ZNF727: variants seen among roughly 807,000 people sequenced by gnomAD.
ZNF727 encodes the protein zinc finger protein 727, also known as putative zinc finger protein 727.
A neutral mutation model predicts 11.5 loss-of-function variants in ZNF727; 11 were observed. The observed-to-expected ratio is 0.95, with a 90% CI of 0.60 to 1.58. The LOEUF is 1.58. Among genes scored for constraint, ZNF727 ranks in the 40% most tolerant of loss-of-function variants. The pLI is 0.00. For synonymous variants in ZNF727, 171 were observed against 196.1 expected, an observed-to-expected ratio of 0.87 and a Z score of 1.07; for missense variants, 533 against 581.7, an observed-to-expected ratio of 0.92 and a Z score of 0.86.
At chr7:64,049,383 C>T (rs780395165) in intron 1 of ZNF727, among the ~76,000 whole-genome samples, 1 of 151,602 alleles carries the variant, frequency 6.6e-6, no homozygotes, top group South Asian at 2.1e-4. Context: ...TAAGAAAAAC[C>T]ACATCCTCTT....
rs1785802277 is a variant in ZNF727 at position 64,082,076 on chromosome 7, C to T, written c.*3527C>T. Among the ~76,000 whole-genome samples, 1 of 152,082 alleles carries T rather than the reference C, an allele frequency of 6.6e-6. No homozygotes were observed. The highest frequency in any genetic ancestry group is 2.4e-5 in the African/African-American group (1 of 41,412). On this transcript the variant is annotated 3_prime_UTR_variant, in exon 4 of 4. Coordinates refer to ENST00000456806, the MANE Select transcript of ZNF727 (RefSeq NM_001159522.3). ...TGGCCCTCTCTCCTTGGGTAAACTA[C>T]AGCTCGTTTGAGGTGTGAATAAGGC... is the stretch of plus-strand genomic sequence containing the variant.
chr7:64,078,823 A>G lies in ZNF727; in HGVS notation c.*274A>G, dbSNP rs1325645445. On this transcript the variant is annotated 3_prime_UTR_variant, in exon 4 of 4. Transcript: ENST00000456806. ...TTCACCCTGGAGAGAATCCCTACAA[A>G]TCTGAAGAATGTAACAAAGGCTATA... Among the ~76,000 whole-genome samples, 1 of 152,154 alleles carries G rather than the reference A, an allele frequency of 6.6e-6. No individual in the cohort carries two copies. Among genetic ancestry groups the G allele is most frequent in the Non-Finnish European group, 1.5e-5 (1 of 68,006 alleles).
At chr7:64,047,197 A>G (rs961103312) in intron 1 of ZNF727, among the ~76,000 whole-genome samples, 1 of 152,196 alleles carries the variant, frequency 6.6e-6, no homozygotes, top group Non-Finnish European at 1.5e-5. Context: ...TAACTGTTAT[A>G]GGGACTGTAG....
intron 3 of ZNF727, among the ~76,000 whole-genome samples, chr7:64,076,478 G>A (rs1471345406): frequency 2.6e-5 from 4 of 151,962 alleles, no homozygotes; most frequent in South Asian, 2.1e-4. Context: ...GGTGAGGCAC[G>A]CCTATAATCT....
At chr7:64,053,529 C>T (rs574646421) in intron 1 of ZNF727, among the ~76,000 whole-genome samples, 4 of 152,158 alleles carry the variant, frequency 2.6e-5, no homozygotes, top group East Asian at 1.9e-4. Flanking sequence ...CCATGTTGGT[C>T]AGGCTGGTCT....
intron 1 of ZNF727, among the ~76,000 whole-genome samples, chr7:64,064,215 C>A (rs1789827109): frequency 2.0e-5 from 3 of 152,118 alleles, no homozygotes; most frequent in Non-Finnish European, 2.9e-5. Flanking sequence ...ACATGGCTGC[C>A]ACAGCTTGGA....
At chr7:64,062,521 A>G (rs1408788681) in intron 1 of ZNF727, among the ~76,000 whole-genome samples, 2 of 151,664 alleles carry the variant, frequency 1.3e-5, no homozygotes, top group Admixed American at 6.6e-5. Context: ...TCCACTGAAG[A>G]GTCCATGGTC....
In ZNF727 at chr7:64,063,270, A is replaced by G. The variant is rs754513177; in HGVS notation, c.4-5621A>G. ...CTGTCCTTCTTAGAAAGGCTTTCCA[A>G]GTATTCAAAGGGAATCGAGTGTTGT... On this transcript the variant is annotated intron_variant, in intron 1 of 3. Transcript: ENST00000456806. Among the ~76,000 whole-genome samples, 77 of 152,248 alleles carry G rather than the reference A, an allele frequency of 5.1e-4. 1 individual carries two copies. Among genetic ancestry groups the G allele is most frequent in the South Asian group, 3.1e-3 (15 of 4,826 alleles).
chr7:64,074,794 G>A (rs539203378), intron 3 of ZNF727, among the ~76,000 whole-genome samples: 1 of 152,206 alleles, frequency 6.6e-6, no homozygotes, highest in East Asian at 1.9e-4. Context: ...TAGTTGATTT[G>A]ATCTACTCAG....
At position 64,081,589 on chromosome 7, in the gene ZNF727, G is replaced by T. The variant is rs1352809983; in HGVS notation, c.*3040G>T. On this transcript the variant is annotated 3_prime_UTR_variant, in exon 4 of 4. Coordinates refer to ENST00000456806, the MANE Select transcript of ZNF727 (RefSeq NM_001159522.3). Reference sequence around the variant, plus strand: ...CTTGCCGGAGCTCTTCATGGGTCAGGCATGGCCCACCAGTGCAGATGCTAT... The same window carrying T: ...CTTGCCGGAGCTCTTCATGGGTCAGTCATGGCCCACCAGTGCAGATGCTAT... 1.3e-5 allele frequency among the ~76,000 whole-genome samples: 2 copies of T among 152,118 alleles called. No homozygotes were observed. Among genetic ancestry groups the T allele is most frequent in the African/African-American group, 4.8e-5 (2 of 41,410 alleles).
At chr7:64,048,624 C>A (rs1195601845) in intron 1 of ZNF727, among the ~76,000 whole-genome samples, 1 of 152,146 alleles carries the variant, frequency 6.6e-6, no homozygotes, top group Non-Finnish European at 1.5e-5. Context: ...ACATACATAT[C>A]TTTGCTCAGG....
At chr7:64,050,843 T>G (rs1326324660) in intron 1 of ZNF727, among the ~76,000 whole-genome samples, 1 of 151,958 alleles carries the variant, frequency 6.6e-6, no homozygotes, top group Non-Finnish European at 1.5e-5. Flanking sequence ...GATTGTCAAT[T>G]TTAAATAAAT....
rs1785827247 is a variant in ZNF727 at position 64,083,594 on chromosome 7, GCT to G, written c.*5048_*5049del. Among the ~76,000 whole-genome samples the G allele has an allele frequency of 6.6e-6, 1 of 152,194 alleles. No individual in the cohort carries two copies. The highest frequency in any genetic ancestry group is 2.4e-5 in the African/African-American group (1 of 41,432). The stretch of plus-strand genomic sequence containing the variant: ...GGCTGCTCTGCTGAGACTCCACATA[GCT>G]CTGTGTGTTAAATTGAAGGCCTTGG... On this transcript the variant is annotated 3_prime_UTR_variant, in exon 4 of 4. Transcript: ENST00000456806.
At chr7:64,048,610 C>T (rs1370103386) in intron 1 of ZNF727, among the ~76,000 whole-genome samples, 3 of 152,178 alleles carry the variant, frequency 2.0e-5, no homozygotes, top group Non-Finnish European at 4.4e-5. Flanking sequence ...GTATTTGCCA[C>T]TATACATACA....
intron 1 of ZNF727, among the ~76,000 whole-genome samples, chr7:64,059,288 G>T (rs1789734779): frequency 1.3e-5 from 2 of 152,088 alleles, no homozygotes; most frequent in African/African-American, 2.4e-5. Flanking sequence ...ACACTCTTAG[G>T]TTGAAAAGGA....
intron 1 of ZNF727, among the ~76,000 whole-genome samples, chr7:64,049,246 T>G (rs1337435623): frequency 6.6e-6 from 1 of 152,094 alleles, no homozygotes; most frequent in African/African-American, 2.4e-5. Flanking sequence ...TATAACCCCT[T>G]AAAATTTTCT....
At chr7:64,058,304 G>A (rs187683379) in intron 1 of ZNF727, among the ~76,000 whole-genome samples, 4 of 151,952 alleles carry the variant, frequency 2.6e-5, no homozygotes, top group Non-Finnish European at 4.4e-5. Context: ...AGTGAGTTAT[G>A]AGGTCAGACT....
chr7:64,053,909 C>T (rs1789642266), intron 1 of ZNF727, among the ~76,000 whole-genome samples: 1 of 152,154 alleles, frequency 6.6e-6, no homozygotes, highest in Admixed American at 6.5e-5. Flanking sequence ...GAGGTTAACT[C>T]ACATTAATCA....
intron 1 of ZNF727, among the ~76,000 whole-genome samples, chr7:64,065,552 A>G (rs1789849913): frequency 6.6e-6 from 1 of 152,180 alleles, no homozygotes; most frequent in Non-Finnish European, 1.5e-5. Flanking sequence ...AACAGGTTTA[A>G]TTTGTGCAGA....
Sources: gnomAD v4.1 joint callset for allele counts (sites outside exome capture counted in the v4.1 genomes callset) on GRCh38, gnomAD v4.1.1 for gene constraint, MANE v1.5 for transcripts, NCBI Gene and HGNC (gene_info 2026-07-23, HGNC 2026-07-21) for gene names.